Variants in THEMIS observed in about 807,000 individuals in gnomAD.
THEMIS encodes thymocyte selection associated.
In THEMIS, 37 loss-of-function variants were observed where a neutral mutation model predicts 52.6. That is an observed-to-expected ratio of 0.70 (90% CI 0.54 to 0.93). The LOEUF (loss-of-function observed/expected upper bound fraction) is 0.93, where lower values mean the gene tolerates loss of function less well. THEMIS is among the 40% of genes least tolerant of loss of function. THEMIS has a pLI of 0.00. For missense variants in THEMIS, 808 were observed against 763.1 expected (o/e 1.06, Z -0.69); for synonymous variants, 292 against 272.7 (o/e 1.07, Z -0.70).
intron 1 of THEMIS, among the ~76,000 whole-genome samples, chr6:127,914,871 A>C (rs1422283421): frequency 6.6e-6 from 1 of 152,230 alleles, no homozygotes. Flanking sequence ...AATATTACAG[A>C]TAAAGTGCCA....
chr6:127,819,848 GGAA>G, intron 3 of THEMIS, among the ~76,000 whole-genome samples: 1 of 152,278 alleles, frequency 6.6e-6, no homozygotes, highest in East Asian at 1.9e-4. Context: ...CACACAGAAA[GGAA>G]GAGTGCTGGA....
chr6:127,810,293 T>C (rs1192590404), intron 4 of THEMIS, among the ~76,000 whole-genome samples: 1 of 152,152 alleles, frequency 6.6e-6, no homozygotes, highest in Non-Finnish European at 1.5e-5. Context: ...TCTGTATTGC[T>C]AGATACTAGA....
At chr6:127,774,211 T>C (rs1403334080) in intron 4 of THEMIS, among the ~76,000 whole-genome samples, 2 of 152,240 alleles carry the variant, frequency 1.3e-5, no homozygotes, top group East Asian at 1.9e-4. Context: ...AATTTTAATT[T>C]TTATTTTTCT....
chr6:127,731,381 T>C (rs147985300), intron 4 of THEMIS, among the ~76,000 whole-genome samples: 2 of 152,100 alleles, frequency 1.3e-5, no homozygotes, highest in Non-Finnish European at 2.9e-5. Flanking sequence ...TAAACAGATA[T>C]GTCGGGGAAA....
chr6:127,856,720 C>A (rs1258975580), intron 1 of THEMIS, among the ~76,000 whole-genome samples: 3 of 151,954 alleles, frequency 2.0e-5, no homozygotes, highest in African/African-American at 7.3e-5. Context: ...CATACTATTC[C>A]CTTAACTACA....
intron 5 of THEMIS, among the ~76,000 whole-genome samples, chr6:127,718,753 C>T (rs1303702275): frequency 2.0e-5 from 3 of 151,758 alleles, no homozygotes; most frequent in African/African-American, 7.3e-5. Context: ...AAGCCCTTTA[C>T]AGAATTTCAT....
intron 2 of THEMIS, among the ~76,000 whole-genome samples, chr6:127,832,643 T>C (rs1043444473): frequency 1.3e-5 from 2 of 152,278 alleles, no homozygotes; most frequent in South Asian, 4.1e-4. Context: ...TATGCTTTGT[T>C]ATTCTTCCAA....
intron 4 of THEMIS, among the ~76,000 whole-genome samples, chr6:127,745,624 A>G (rs1352478071): frequency 3.3e-5 from 5 of 151,840 alleles, no homozygotes; most frequent in African/African-American, 1.2e-4. Context: ...TGTTCTCTTT[A>G]GTGCAATGGA....
In THEMIS at chr6:127,855,074, C is replaced by A; in HGVS notation, c.206G>T (p.Gly69Val). The change falls in exon 2 of 6, where the codon GGT (glycine) becomes GTT (valine). Residue 69 changes from glycine to valine, a missense_variant. Coordinates refer to ENST00000368248, the MANE Select transcript of THEMIS (RefSeq NM_001010923.3). The stretch of plus-strand genomic sequence containing the variant: ...TTCAAATGGCTGTAGAGACTCACAA[C>A]CTTCAATCTGCTCACAAATTTCAGC... Reference protein sequence around the residue: ...IIAEICEQIEGCESLQPFELP... With the variant: ...IIAEICEQIEVCESLQPFELP... 2 of 1,611,176 alleles carry A rather than the reference C, an allele frequency of 1.2e-6. No homozygotes were observed. Among genetic ancestry groups the A allele is most frequent in the South Asian group, 1.1e-5 (1 of 90,840 alleles).
At chr6:127,800,642 G>A (rs144867717) in intron 4 of THEMIS, among the ~76,000 whole-genome samples, 96 of 152,322 alleles carry the variant, frequency 6.3e-4, no homozygotes, top group Non-Finnish European at 1.1e-3. Context: ...TCAGTGGGCT[G>A]GGAAAGGCAG....
intron 4 of THEMIS, among the ~76,000 whole-genome samples, chr6:127,756,352 T>C (rs1018860199): frequency 6.6e-6 from 1 of 152,198 alleles, no homozygotes; most frequent in African/African-American, 2.4e-5. Context: ...AACAGTAGTT[T>C]GTATGATAGT....
At chr6:127,812,839 A>C (rs201452547) in intron 4 of THEMIS, 44 bp downstream of exon 4, 43 of 1,513,788 alleles carry the variant, frequency 2.8e-5, no homozygotes, top group Non-Finnish European at 3.7e-5. Flanking sequence ...AAATTGCCTG[A>C]AGGAACACAC....
chr6:127,895,129 C>A (rs2114484787), intron 1 of THEMIS, among the ~76,000 whole-genome samples: 1 of 151,130 alleles, frequency 6.6e-6, no homozygotes, highest in Non-Finnish European at 1.5e-5. Flanking sequence ...AGCTCAATAC[C>A]TATTTATTCG....
At chr6:127,750,831 C>T (rs1187764688) in intron 4 of THEMIS, among the ~76,000 whole-genome samples, 2 of 151,774 alleles carry the variant, frequency 1.3e-5, no homozygotes, top group Non-Finnish European at 3.0e-5. Flanking sequence ...ATTATATATT[C>T]CAAGTGCTGA....
intron 3 of THEMIS, among the ~76,000 whole-genome samples, chr6:127,822,160 T>A (rs567052381): frequency 2.6e-5 from 4 of 152,142 alleles, no homozygotes; most frequent in African/African-American, 9.6e-5. Context: ...TTTAGTTACA[T>A]ATTTGCATTG....
rs772346675 is a variant in THEMIS, at chr6:127,855,163, A to G, written c.117T>C (p.Asn39=). 17 of 1,601,398 alleles carry G rather than the reference A, an allele frequency of 1.1e-5. No individual in the cohort carries two copies. The East Asian group carries it at 3.8e-4, about 36-fold the overall frequency. ...LEGSIYEMFG[N]ECCFSTGEVI... ...CTTCTCCTGTTGAAAAACAGCATTC[A>G]TTTCCAAACATTTCATAAATAGAGC... Residue 39 remains asparagine (N), a synonymous_variant, in exon 2 of 6, where the codon AAT becomes AAC. Coordinates refer to ENST00000368248, the MANE Select transcript of THEMIS (RefSeq NM_001010923.3).
chr6:127,824,958 C>T (rs749328331), intron 3 of THEMIS, among the ~76,000 whole-genome samples: 2 of 137,032 alleles, frequency 1.5e-5, no homozygotes, highest in Non-Finnish European at 3.3e-5. Context: ...ACAAACAAAA[C>T]TAACTGAAAT....
rs777055639 is a variant in THEMIS at position 127,813,410 on chromosome 6, G to T, written c.1231C>A (p.Leu411Met). ...CEGIKKVVNV[L>M]ACEKILKKSY... ...TTTTTGAGGATTTTTTCACAGGCCAGAACATTCACCACTTTTTTTATTCCC... is the reference window on the plus strand; with the variant it reads ...TTTTTGAGGATTTTTTCACAGGCCATAACATTCACCACTTTTTTTATTCCC... Residue 411 changes from leucine to methionine, a missense_variant, in exon 4 of 6, where the codon CTG (leucine) becomes ATG (methionine). Physicochemically the swap from Leu to Met is conservative, Grantham distance 15. Transcript: ENST00000368248. 6.2e-7 allele frequency: 1 copy of T among 1,613,916 alleles called. No homozygotes were observed. Among genetic ancestry groups the T allele is most frequent in the Non-Finnish European group, 8.5e-7 (1 of 1,179,950 alleles).
At chr6:127,774,045 G>A (rs2114451305) in intron 4 of THEMIS, among the ~76,000 whole-genome samples, 1 of 152,296 alleles carries the variant, frequency 6.6e-6, no homozygotes, top group African/African-American at 2.4e-5. Flanking sequence ...CTGGCACTTT[G>A]GTGAAGAAAG....
Sources: gnomAD v4.1 joint callset for allele counts (sites outside exome capture counted in the v4.1 genomes callset) on GRCh38, gnomAD v4.1.1 for gene constraint, MANE v1.5 for transcripts, NCBI Gene and HGNC (gene_info 2026-07-23, HGNC 2026-07-21) for gene names.